Variants in CEP131 observed in about 807,000 individuals in gnomAD.
The protein encoded by CEP131 is centrosomal protein of 131 kDa.
In CEP131, 99 loss-of-function variants were observed where a neutral mutation model predicts 136.8. The observed-to-expected ratio is 0.72, with a 90% CI of 0.62 to 0.86. The LOEUF is 0.86. Ranked by LOEUF, CEP131 falls within the 40% of genes least tolerant of loss-of-function variation. The pLI, the probability that CEP131 is intolerant of heterozygous loss-of-function variation, is 0.00. For synonymous variants in CEP131, 646 were observed against 612.7 expected, an observed-to-expected ratio of 1.05 and a Z score of -0.80; for missense variants, 1,459 against 1,463.0, an observed-to-expected ratio of 1.00 and a Z score of 0.04.
chr17:81,193,909 C>T lies in CEP131; in HGVS notation c.2321+17G>A, dbSNP rs1421879566. 1 of 1,532,486 alleles carries T rather than the reference C, an allele frequency of 6.5e-7. No individual in the cohort carries two copies. The highest frequency in any genetic ancestry group is 1.4e-5 in the African/African-American group (1 of 72,450). The allele number at this position is 1,532,486 out of a possible 1,614,324, so 94.9% of individuals were successfully genotyped here. A position where few individuals can be genotyped will look rare whatever the true frequency, so the allele number is the denominator to read the frequency against. ...CCCTGAGGGTCCTGGCCCCACCGGC[C>T]TGGGGCCACCACCCACCGCTGCCGA... On this transcript the variant is annotated intron_variant, in intron 18 of 25. Coordinates refer to ENST00000450824, the MANE Select transcript of CEP131 (RefSeq NM_014984.4).
chr17:81,198,769 CTAGAG>C, intron 11 of CEP131, 103 bp downstream of exon 11: 1 of 1,171,518 alleles, frequency 8.5e-7, no homozygotes, highest in Non-Finnish European at 1.2e-6. Flanking sequence ...TAAGTGGCCC[CTAGAG>C]CAGAGGAGGG....
At chr17:81,194,731 T>G in intron 17 of CEP131, 139 bp downstream of exon 17, 6 of 762,626 alleles carry the variant, frequency 7.9e-6, no homozygotes, top group Admixed American at 2.0e-5. Context: ...GTGACGGGGG[T>G]GGTTGGGGCA....
At chr17:81,192,950 C>T (rs2061676204) in intron 18 of CEP131, 107 bp from the exon 19 acceptor site, 5 of 1,479,158 alleles carry the variant, frequency 3.4e-6, no homozygotes, top group Admixed American at 2.2e-5. Flanking sequence ...AGCTGGAGAG[C>T]AGCCCTCCGG....
rs955605520 is a variant in CEP131, at chr17:81,219,188, G to A, written c.177+692C>T. Among the ~76,000 whole-genome samples, 2 of 152,000 alleles carry A rather than the reference G, an allele frequency of 1.3e-5. No homozygotes were observed. Among genetic ancestry groups the A allele is most frequent in the African/African-American group, 4.8e-5 (2 of 41,390 alleles). On this transcript the variant is annotated intron_variant, in intron 2 of 25. Transcript: ENST00000450824. This position sits in a 1 kb window ranked among gnomAD's most constrained non-coding sequence, Gnocchi z 4.0. Reference sequence around the variant, plus strand: ...GGGCAGGAAAGGCAGCTCTCACCCCGAAGCTCCCACGGCTGTCCTGCTGCC... The same window carrying A: ...GGGCAGGAAAGGCAGCTCTCACCCCAAAGCTCCCACGGCTGTCCTGCTGCC...
At chr17:81,204,063 G>C (rs1002934508) in intron 5 of CEP131, 1 of 158,872 alleles carries the variant, frequency 6.3e-6, no homozygotes, top group African/African-American at 2.4e-5. Flanking sequence ...GCAGGAAAGG[G>C]GCATCTGCAG....
intron 3 of CEP131, 34 bp from the exon 4 acceptor site, chr17:81,207,273 A>T: frequency 6.2e-7 from 1 of 1,602,662 alleles, no homozygotes; most frequent in South Asian, 1.1e-5. Context: ...ACAAGGAAAG[A>T]GTCACCAGCC....
intron 18 of CEP131, among the ~76,000 whole-genome samples, 139 bp downstream of exon 18, chr17:81,193,769 CCCAAGGGCCACTCCAGGG>C (rs1192470728): frequency 3.9e-5 from 6 of 152,326 alleles, no homozygotes; most frequent in East Asian, 1.9e-4. Context: ...AGGCTGGGCC[CCCAAGGGCCACTCCAGGG>C]CCAAGGGCCC....
At chr17:81,220,424 G>A (rs1219634366) in intron 1 of CEP131, among the ~76,000 whole-genome samples, 1 of 152,170 alleles carries the variant, frequency 6.6e-6, no homozygotes, top group Non-Finnish European at 1.5e-5. Flanking sequence ...ACCCCACACC[G>A]TGATTCTGAG....
chr17:81,202,959 C>T (rs572797164), intron 6 of CEP131, among the ~76,000 whole-genome samples: 1 of 129,692 alleles, frequency 7.7e-6, no homozygotes, highest in Admixed American at 7.3e-5. Context: ...AATGAAACTC[C>T]ATTTCAAAAA....
rs1323363984 is a variant in CEP131, at chr17:81,191,206, CCTT to C, written c.2749_2751del (p.Lys917del). ...GCGGGTCCTTACCGGCTCTCGGCAGCCTTCTCACTCTCCTCCTTGGCCAGCGCC... is the reference window on the plus strand; with the variant it reads ...GCGGGTCCTTACCGGCTCTCGGCAGCCTCACTCTCCTCCTTGGCCAGCGCC... On this transcript the variant is annotated inframe_deletion, in exon 22 of 26. Transcript: ENST00000450824. The C allele has an allele frequency of 2.5e-6, 4 of 1,612,498 alleles. No individual in the cohort carries two copies. The African/African-American group carries it at 5.3e-5, about 22-fold the overall frequency.
rs2146478404 is a variant in CEP131 at position 81,191,017 on chromosome 17, G to A, written c.2833C>T (p.Gln945Ter). Residue 945 changes from glutamine to a stop codon, truncating the protein, a stop_gained, in exon 23 of 26, where the codon CAG becomes TAG. Coordinates refer to ENST00000450824, the MANE Select transcript of CEP131 (RefSeq NM_014984.4). LOFTEE classifies it high-confidence loss of function. ...CCCTTCAGCTCCGAGCACCGCTCCT[G>A]AAGCTTCCGCTCCGACTGCTCCAGC... ...SELEQSERKL[Q>*]ERCSELKGQL... 1.2e-6 allele frequency: 2 copies of A among 1,610,336 alleles called. No homozygotes were observed. Among genetic ancestry groups the A allele is most frequent in the East Asian group, 2.2e-5 (1 of 44,880 alleles).
intron 3 of CEP131, 90 bp from the exon 4 acceptor site, chr17:81,207,329 C>CA (rs2062030054): frequency 5.2e-6 from 6 of 1,143,288 alleles, no homozygotes; most frequent in Non-Finnish European, 7.6e-6. Context: ...CCCGCGAGGA[C>CA]AGAGGGGCTG....
At chr17:81,220,596 G>A (rs994475766) in intron 1 of CEP131, among the ~76,000 whole-genome samples, 3 of 152,162 alleles carry the variant, frequency 2.0e-5, no homozygotes, top group Admixed American at 2.0e-4. Flanking sequence ...CCGGGTTCAA[G>A]CGATTCTCCT....
In CEP131 at chr17:81,192,804, C is replaced by A. The variant is rs762408563; in HGVS notation, c.2361G>T (p.Gln787His). ...QHLEQEQWALQQQRQRLYSEV... is the reference protein window; with the variant it reads ...QHLEQEQWALHQQRQRLYSEV... ...CACTGTACAGCCGCTGCCGTTGCTG[C>A]TGCAGCGCCCACTGCTCCTGCTCCA... Residue 787 changes from glutamine (Q) to histidine (H), a missense_variant, in exon 19 of 26, where the codon CAG becomes CAT. Gln to His is a conservative substitution (Grantham distance 24, BLOSUM62 0). Transcript: ENST00000450824. 6.3e-7 allele frequency: 1 copy of A among 1,598,834 alleles called. No homozygotes were observed. The highest frequency in any genetic ancestry group is 8.5e-7 in the Non-Finnish European group (1 of 1,179,368).
Position 81,208,027 on chromosome 17 carries a change from C to CA in CEP131, c.273-789_273-788insT. On this transcript the variant is annotated intron_variant, in intron 3 of 25. Coordinates refer to ENST00000450824, the MANE Select transcript of CEP131 (RefSeq NM_014984.4). This position sits in a 1 kb window ranked among gnomAD's most constrained non-coding sequence, Gnocchi z 5.6. ...GACACACACCACTCACACCACACAC[C>CA]CACACACCACACACCCCCCACACAC... 2.0e-5 allele frequency among the ~76,000 whole-genome samples: 1 copy of CA among 50,488 alleles called. No individual in the cohort carries two copies. Among genetic ancestry groups the CA allele is most frequent in the African/African-American group, 7.4e-5 (1 of 13,472 alleles). The allele number at this position is 50,488 out of a possible 152,430, so 33.1% of individuals were successfully genotyped here.
At chr17:81,190,496 C>G in intron 24 of CEP131, 143 bp downstream of exon 24, 1 of 1,120,164 alleles carries the variant, frequency 8.9e-7, no homozygotes, top group Non-Finnish European at 1.2e-6. Context: ...ACATGGAACC[C>G]ACACCAGCCT....
In CEP131 at chr17:81,199,015, G is replaced by A. The variant is rs1236302548; in HGVS notation, c.1193-44C>T. On this transcript the variant is annotated intron_variant, in intron 10 of 25. Coordinates refer to ENST00000450824, the MANE Select transcript of CEP131 (RefSeq NM_014984.4). Reference sequence around the variant, plus strand: ...CACCATTCCACAGGGAGCATCCCGGGGCGGGCAGCAACTCTGGAGGCACCC... The same window carrying A: ...CACCATTCCACAGGGAGCATCCCGGAGCGGGCAGCAACTCTGGAGGCACCC... The A allele has an allele frequency of 2.1e-6, 3 of 1,461,322 alleles. No individual in the cohort carries two copies. The South Asian group carries it at 4.2e-5, about 21-fold the overall frequency. The allele number at this position is 1,461,322 out of a possible 1,614,324, so 90.5% of individuals were successfully genotyped here.
At chr17:81,193,882 C>T (rs1352164336) in intron 18 of CEP131, 44 bp downstream of exon 18, 20 of 1,522,586 alleles carry the variant, frequency 1.3e-5, no homozygotes, top group East Asian at 2.5e-5. Flanking sequence ...TCCGACTCCC[C>T]GCCCTGAGGG....
intron 2 of CEP131, among the ~76,000 whole-genome samples, chr17:81,216,364 G>GA (rs901511914): frequency 1.7e-4 from 25 of 149,112 alleles, no homozygotes; most frequent in South Asian, 6.4e-4. Context: ...TGTCTCAAAA[G>GA]AAAAAAAAAA....
Sources: allele counts gnomAD v4.1 joint callset (sites outside exome capture counted in the v4.1 genomes callset), GRCh38; gene constraint gnomAD v4.1.1; non-coding constraint Gnocchi (gnomAD v3.1); transcripts MANE v1.5; gene names NCBI Gene and HGNC (gene_info 2026-07-23, HGNC 2026-07-21).